Variants in GRIN2A observed in about 807,000 individuals in gnomAD.
GRIN2A encodes the protein glutamate receptor ionotropic, NMDA 2A.
A neutral mutation model predicts 113.4 loss-of-function variants in GRIN2A; 22 were observed. The ratio of observed to expected loss-of-function variants is 0.19; its 90% CI spans 0.14 to 0.28. The LOEUF (loss-of-function observed/expected upper bound fraction) is 0.28. GRIN2A is among the 10% of genes least tolerant of loss of function. The pLI, the probability that GRIN2A is intolerant of heterozygous loss-of-function variation, is 1.00. For missense variants in GRIN2A, 1,502 were observed against 1,887.0 expected, an observed-to-expected ratio of 0.80 and a Z score of 3.78; for synonymous variants, 827 against 738.4, an observed-to-expected ratio of 1.12 and a Z score of -1.94.
At chr16:10,099,257 A>G (rs1217618275) in intron 2 of GRIN2A, among the ~76,000 whole-genome samples, 1 of 152,178 alleles carries the variant, frequency 6.6e-6, no homozygotes, top group African/African-American at 2.4e-5. Context: ...CATAAAAGAT[A>G]CTTACTCAAA....
chr16:9,755,404 A>G lies in GRIN2A; in HGVS notation c.*7745T>C, dbSNP rs565646878. The G allele has an allele frequency of 2.2e-5, 4 of 184,516 alleles. No homozygotes were observed. In the East Asian group the frequency reaches 3.5e-4, roughly 16 times the overall value. 11.4% of individuals were successfully genotyped at this position (184,516 alleles called of 1,614,324 possible). On this transcript the variant is annotated 3_prime_UTR_variant, in exon 13 of 13. Transcript: ENST00000330684. Reference sequence around the variant, plus strand: ...TGTAGACCCAACAACAGGATCTCCAAATAACAAATAATAATCTTTCTGTCT... The same window carrying G: ...TGTAGACCCAACAACAGGATCTCCAGATAACAAATAATAATCTTTCTGTCT...
At chr16:9,934,677 C>CT (rs1382801142) in intron 3 of GRIN2A, among the ~76,000 whole-genome samples, 13 of 10,152 alleles carry the variant, frequency 1.3e-3, no homozygotes, top group African/African-American at 4.1e-3. Context: ...GAGACTCTGT[C>CT]TAAAAAAAAA....
At chr16:9,990,573 A>G (rs1450138961) in intron 2 of GRIN2A, among the ~76,000 whole-genome samples, 9 of 148,872 alleles carry the variant, frequency 6.0e-5, no homozygotes, top group African/African-American at 9.9e-5. Context: ...GCACACACAC[A>G]CACACACACA....
intron 2 of GRIN2A, among the ~76,000 whole-genome samples, chr16:10,179,150 CAA>C: frequency 6.6e-6 from 1 of 152,106 alleles, no homozygotes; most frequent in Middle Eastern, 3.2e-3. Context: ...AGGCTGTCCA[CAA>C]AAAAGACCCT....
chr16:10,070,199 A>G (rs896751086), intron 2 of GRIN2A, among the ~76,000 whole-genome samples: 1 of 151,988 alleles, frequency 6.6e-6, no homozygotes, highest in African/African-American at 2.4e-5. Context: ...GATGCCAGCA[A>G]TGTTTTCTAG....
intron 2 of GRIN2A, among the ~76,000 whole-genome samples, chr16:10,150,379 A>T (rs920336544): frequency 1.3e-5 from 2 of 152,254 alleles, no homozygotes; most frequent in East Asian, 1.9e-4. Flanking sequence ...GCTTCAGGTT[A>T]TTTTTTATAA....
intron 11 of GRIN2A, among the ~76,000 whole-genome samples, chr16:9,780,524 G>T (rs1309473992): frequency 6.6e-6 from 1 of 152,230 alleles, no homozygotes; most frequent in African/African-American, 2.4e-5. Context: ...ACCACCCCAT[G>T]GTCATGGAGG....
chr16:9,805,092 A>G (rs1451744855), intron 10 of GRIN2A, among the ~76,000 whole-genome samples: 1 of 152,030 alleles, frequency 6.6e-6, no homozygotes, highest in African/African-American at 2.4e-5. Context: ...ATGGCCTTGA[A>G]AGTCCAATCC....
intron 2 of GRIN2A, among the ~76,000 whole-genome samples, chr16:10,120,173 C>T (rs992598705): frequency 1.3e-5 from 2 of 152,148 alleles, no homozygotes; most frequent in African/African-American, 4.8e-5. Flanking sequence ...TCCACAATGG[C>T]TGAACAAATT....
intron 2 of GRIN2A, among the ~76,000 whole-genome samples, chr16:10,121,063 G>T (rs1372177793): frequency 6.6e-6 from 1 of 152,154 alleles, no homozygotes; most frequent in Non-Finnish European, 1.5e-5. Flanking sequence ...TTCAGACTGA[G>T]GACTGGATAT....
chr16:10,107,065 T>C (rs576303272), intron 2 of GRIN2A, among the ~76,000 whole-genome samples: 15 of 152,290 alleles, frequency 9.8e-5, no homozygotes, highest in African/African-American at 3.4e-4. Flanking sequence ...CTAAGGGACA[T>C]CATGAAGCAA....
intron 2 of GRIN2A, among the ~76,000 whole-genome samples, chr16:10,066,488 A>C (rs1286735071): frequency 6.6e-6 from 1 of 152,194 alleles, no homozygotes; most frequent in Non-Finnish European, 1.5e-5. Flanking sequence ...GTTCCATACA[A>C]ATGCAAGAGG....
chr16:9,979,019 G>A (rs1366591595), intron 2 of GRIN2A, among the ~76,000 whole-genome samples: 1 of 152,180 alleles, frequency 6.6e-6, no homozygotes, highest in African/African-American at 2.4e-5. Context: ...AGGAGCATGT[G>A]GGATCTTGCC....
chr16:9,906,507 C>T (rs1567168357), intron 3 of GRIN2A, among the ~76,000 whole-genome samples: 4 of 152,160 alleles, frequency 2.6e-5, no homozygotes, highest in African/African-American at 2.4e-5. Context: ...GGGATCGGTA[C>T]GTGACTCAAT....
At chr16:10,055,046 T>TAAAAAAAAAAAAAAAAAAAAAAAAAAAA (rs1567266287) in intron 2 of GRIN2A, among the ~76,000 whole-genome samples, 3 of 12,492 alleles carry the variant, frequency 2.4e-4, no homozygotes, top group Non-Finnish European at 4.0e-4. Context: ...AGACTCTATC[T>TAAAAAAAAAAAAAAAAAAAAAAAAAAAA]CAAAAAAAAA....
chr16:9,792,247 AG>A (rs1363900277), intron 11 of GRIN2A, among the ~76,000 whole-genome samples: 3 of 152,092 alleles, frequency 2.0e-5, no homozygotes, highest in Non-Finnish European at 4.4e-5. Flanking sequence ...TTTGGAGACA[AG>A]GTCTCACTCT....
intron 10 of GRIN2A, among the ~76,000 whole-genome samples, chr16:9,808,897 A>G (rs2042032593): frequency 6.6e-6 from 1 of 152,090 alleles, no homozygotes; most frequent in Admixed American, 6.5e-5. Context: ...TATGACTGAT[A>G]GCCCTCATCC....
At chr16:9,875,881 T>G (rs922173680) in intron 4 of GRIN2A, among the ~76,000 whole-genome samples, 7 of 152,318 alleles carry the variant, frequency 4.6e-5, no homozygotes, top group African/African-American at 1.7e-4. Flanking sequence ...GTGTGCCATG[T>G]GCACCTCTCC....
chr16:10,113,291 G>C (rs577804607), intron 2 of GRIN2A, among the ~76,000 whole-genome samples: 1 of 151,874 alleles, frequency 6.6e-6, no homozygotes, highest in African/African-American at 2.4e-5. Context: ...GGCTCTTCCC[G>C]GGCCGCTGCC....
Sources: allele counts gnomAD v4.1 joint callset (sites outside exome capture counted in the v4.1 genomes callset), GRCh38; gene constraint gnomAD v4.1.1; transcripts MANE v1.5; gene names NCBI Gene and HGNC (gene_info 2026-07-23, HGNC 2026-07-21).